PINK1: variants seen among roughly 807,000 people sequenced by gnomAD.
PINK1 encodes the protein serine/threonine-protein kinase PINK1, mitochondrial.
PINK1 carries 58 observed loss-of-function variants against 56.0 expected under a neutral mutation model. The ratio of observed to expected loss-of-function variants is 1.04; its 90% CI spans 0.84 to 1.29. The LOEUF (loss-of-function observed/expected upper bound fraction) is 1.29. PINK1 is among the 50% of genes most tolerant of loss of function. The probability of loss-of-function intolerance (pLI) is 0.00; values close to 1 mark genes in which losing one functional copy is unlikely to be tolerated. For missense variants in PINK1, 745 were observed against 777.9 expected, an observed-to-expected ratio of 0.96 and a Z score of 0.50; for synonymous variants, 354 against 339.3, an observed-to-expected ratio of 1.04 and a Z score of -0.48.
chr1:20,640,033 G>A (rs911802311), intron 3 of PINK1, 41 bp downstream of exon 3: 2 of 1,513,348 alleles, frequency 1.3e-6, no homozygotes, highest in Non-Finnish European at 1.8e-6. Context: ...GGACTTCTTT[G>A]AGAGCAACTT....
Position 20,637,940 on chromosome 1 carries a change from T to C in PINK1, c.486T>C (p.Ile162=). Residue 162 remains isoleucine (I), a synonymous_variant, in exon 2 of 8, where the codon ATT becomes ATC. Coordinates refer to ENST00000321556, the MANE Select transcript of PINK1 (RefSeq NM_032409.3). ...RLEEYLIGQS[I]GKGCSAAVYE... is the part of the protein sequence containing the mutation. Reference sequence around the variant, plus strand: ...AGGAGTATCTGATAGGGCAGTCCATTGGTAAGGGCTGCAGTGCTGCTGTGT... The same window carrying C: ...AGGAGTATCTGATAGGGCAGTCCATCGGTAAGGGCTGCAGTGCTGCTGTGT... 6.2e-7 allele frequency: 1 copy of C among 1,614,190 alleles called. No individual in the cohort carries two copies. Among genetic ancestry groups the C allele is most frequent in the Non-Finnish European group, 8.5e-7 (1 of 1,180,042 alleles).
chr1:20,647,493 CG>C (rs1338485522), intron 5 of PINK1, among the ~76,000 whole-genome samples: 1 of 88,014 alleles, frequency 1.1e-5, no homozygotes, highest in African/African-American at 4.3e-5. Flanking sequence ...TTTTTTGAGA[CG>C]GAGTCTCACT....
rs2053170958 is a variant in PINK1 at position 20,645,666 on chromosome 1, C to T, written c.1066C>T (p.Gln356Ter). 1 of 1,614,080 alleles carries T rather than the reference C, an allele frequency of 6.2e-7. No individual in the cohort carries two copies. The highest frequency in any genetic ancestry group is 8.5e-7 in the Non-Finnish European group (1 of 1,180,034). Residue 356 changes from glutamine (Q) to a stop codon, truncating the protein, a stop_gained, in exon 5 of 8, where the codon CAG (glutamine) becomes TAG (stop). Coordinates refer to ENST00000321556, the MANE Select transcript of PINK1 (RefSeq NM_032409.3). LOFTEE classifies it high-confidence loss of function. The part of the protein sequence containing the change: ...LLEGVDHLVQ[Q>*]GIAHRDLKSD... ...GGAAGGCGTGGACCATCTGGTTCAA[C>T]AGGGCATCGCGCACAGAGACCTGAA...
intron 5 of PINK1, among the ~76,000 whole-genome samples, chr1:20,646,108 C>CA (rs112013098): frequency 6.0e-4 from 87 of 146,128 alleles, no homozygotes; most frequent in African/African-American, 1.1e-3. Flanking sequence ...CCCTTCTCTA[C>CA]AAAAAAAAAA....
Position 20,650,657 on chromosome 1 carries a change from CCCT to C in PINK1, c.1720_1722del (p.Leu574del), listed in dbSNP as rs2053257185. The C allele has an allele frequency of 1.9e-6, 3 of 1,613,932 alleles. No homozygotes were observed. Among genetic ancestry groups the C allele is most frequent in the Admixed American group, 1.7e-5 (1 of 60,000 alleles). On this transcript the variant is annotated inframe_deletion, in exon 8 of 8. Coordinates refer to ENST00000321556, the MANE Select transcript of PINK1 (RefSeq NM_032409.3). ...GAGTGTGAAACGCTCTGCCAGGCAG[CCCT>C]CCTCCTCTGCTCATGGAGGGCAGCC...
intron 5 of PINK1, among the ~76,000 whole-genome samples, chr1:20,646,582 T>C (rs1256594137): frequency 6.6e-6 from 1 of 152,018 alleles, no homozygotes; most frequent in Non-Finnish European, 1.5e-5. Context: ...AGGCGGAGGT[T>C]GTAGTGAGCC....
At chr1:20,649,979 CAG>C (rs1342117989) in intron 7 of PINK1, 1 of 238,462 alleles carries the variant, frequency 4.2e-6, no homozygotes, top group Non-Finnish European at 8.4e-6. Flanking sequence ...GCAGCTGGCT[CAG>C]GGGCAGGCTT....
At chr1:20,650,367 CA>C (rs2053250701) in intron 7 of PINK1, 66 bp from the exon 8 acceptor site, 1 of 1,599,180 alleles carries the variant, frequency 6.3e-7, no homozygotes, top group South Asian at 1.1e-5. Flanking sequence ...CCCTCACTAA[CA>C]AAGCAGGCTT....
At position 20,633,661 on chromosome 1, in the gene PINK1, C is replaced by T. The variant is rs1275557772; in HGVS notation, c.113C>T (p.Ala38Val). 16 of 1,345,484 alleles carry T rather than the reference C, an allele frequency of 1.2e-5. No homozygotes were observed. Among genetic ancestry groups the T allele is most frequent in the Non-Finnish European group, 1.4e-5 (15 of 1,058,062 alleles). The allele number at this position is 1,345,484 out of a possible 1,614,324, so 83.3% of individuals were successfully genotyped here. Residue 38 changes from alanine (A) to valine (V), a missense_variant, in exon 1 of 8, where the codon GCG (alanine) becomes GTG (valine). Transcript: ENST00000321556. ...GGCTTGGGGCGGCCGGGCCCGGCGG[C>T]GGGCTGTGTCCGCGGGGAGCGTCCA... ...AYGLGRPGPA[A>V]GCVRGERPGW...
intron 1 of PINK1, among the ~76,000 whole-genome samples, chr1:20,635,268 T>G (rs1463492671): frequency 6.6e-6 from 1 of 150,562 alleles, no homozygotes; most frequent in East Asian, 2.0e-4. Flanking sequence ...TTTGGGAGGC[T>G]GAGGCGGGCG....
At position 20,645,765 on chromosome 1, in the gene PINK1, G is replaced by A. The variant is rs751165633; in HGVS notation, c.1123+42G>A. 14 of 1,613,420 alleles carry A rather than the reference G, an allele frequency of 8.7e-6. No individual in the cohort carries two copies. The South Asian group carries it at 1.5e-4, about 18-fold the overall frequency. On this transcript the variant is annotated intron_variant, in intron 5 of 7. Transcript: ENST00000321556. The stretch of plus-strand genomic sequence containing the variant: ...CCATCAGAGCTCTCCAGGGGCACTA[G>A]AGGGTGGGTCAGGAGCATTTAGGAC...
At chr1:20,643,741 C>T (rs1156437736) in intron 3 of PINK1, among the ~76,000 whole-genome samples, 1 of 152,188 alleles carries the variant, frequency 6.6e-6, no homozygotes, top group African/African-American at 2.4e-5. Context: ...ATTCTAGGTG[C>T]CTTCCACACT....
At chr1:20,648,395 C>T in intron 5 of PINK1, 110 bp from the exon 6 acceptor site, 1 of 1,512,852 alleles carries the variant, frequency 6.6e-7, no homozygotes, top group Admixed American at 1.9e-5. Flanking sequence ...AACACTGAGC[C>T]ATTAGCCCCT....
rs369566143 is a variant in PINK1 at position 20,644,577 on chromosome 1, G to A, written c.864G>A (p.Leu288=). The part of the protein sequence containing the change: ...LRAFTSSVPL[L]PGALVDYPDV... ...CCTTCACCTCTTCCGTGCCGCTGCT[G>A]CCAGGGGCCCTGGTCGACTACCCTG... The change falls in exon 4 of 8, where the codon CTG becomes CTA. Residue 288 remains leucine (L), a synonymous_variant. Transcript: ENST00000321556. 1.4e-4 allele frequency: 226 copies of A among 1,614,120 alleles called. No individual in the cohort carries two copies. Among genetic ancestry groups the A allele is most frequent in the Non-Finnish European group, 1.9e-4 (221 of 1,180,052 alleles).
At chr1:20,646,941 GCC>G (rs2053189679) in intron 5 of PINK1, among the ~76,000 whole-genome samples, 1 of 149,932 alleles carries the variant, frequency 6.7e-6, no homozygotes, top group Non-Finnish European at 1.5e-5. Context: ...GTGCAGTGGC[GCC>G]ATCTCAGCTC....
chr1:20,646,549 CAGG>C (rs1557565355), intron 5 of PINK1, among the ~76,000 whole-genome samples: 3 of 152,014 alleles, frequency 2.0e-5, no homozygotes, highest in South Asian at 2.1e-4. Flanking sequence ...GAAGCTGAGG[CAGG>C]AGAATTGCTT....
At chr1:20,633,993 C>G in intron 1 of PINK1, 58 bp downstream of exon 1, 1 of 1,534,526 alleles carries the variant, frequency 6.5e-7, no homozygotes, top group South Asian at 1.2e-5. Flanking sequence ...GGGGGCGGGT[C>G]CTCAGCTGGG....
At position 20,651,152 on chromosome 1, in the gene PINK1, CCAAGCTGTGCGTTCT is replaced by C. The variant is rs1218871297; in HGVS notation, c.*462_*476del. On this transcript the variant is annotated 3_prime_UTR_variant, in exon 8 of 8. Transcript: ENST00000321556. ...ACATGAGGCCTGGGCCTCTGCGTTC[CCAAGCTGTGCGTTCT>C]GGACCAGCTACTGAATTATTAATCT... is the stretch of plus-strand genomic sequence containing the variant. 7 of 221,066 alleles carry C rather than the reference CCAAGCTGTGCGTTCT, an allele frequency of 3.2e-5. No individual in the cohort carries two copies. The East Asian group carries it at 7.4e-4, about 23-fold the overall frequency. The allele number at this position is 221,066 out of a possible 1,614,324, so 13.7% of individuals were successfully genotyped here.
At chr1:20,639,686 CCT>C (rs1244191224) in intron 2 of PINK1, 1 of 641,198 alleles carries the variant, frequency 1.6e-6, no homozygotes, top group Non-Finnish European at 2.8e-6. Context: ...TGTGAAGAAT[CCT>C]CTGAGTTGGC....
Sources: allele counts gnomAD v4.1 joint callset (sites outside exome capture counted in the v4.1 genomes callset), GRCh38; gene constraint gnomAD v4.1.1; transcripts MANE v1.5; gene names NCBI Gene and HGNC (gene_info 2026-07-23, HGNC 2026-07-21).